NAXD: variants seen among roughly 807,000 people sequenced by gnomAD.
NAXD encodes the protein ATP-dependent (S)-NAD(P)H-hydrate dehydratase.
A neutral mutation model predicts 35.8 loss-of-function variants in NAXD; 22 were observed. That is an observed-to-expected ratio of 0.62 (90% CI 0.44 to 0.88). The LOEUF is 0.88. Ranked by LOEUF, NAXD falls within the 40% of genes least tolerant of loss-of-function variation. The pLI, the probability that NAXD is intolerant of heterozygous loss-of-function variation, is 0.00. For missense variants in NAXD, 428 were observed against 437.7 expected (o/e 0.98, Z 0.20); for synonymous variants, 189 against 177.6 (o/e 1.06, Z -0.51).
chr13:110,636,537 C>CTCT (rs1886934346), intron 8 of NAXD, among the ~76,000 whole-genome samples: 1 of 152,258 alleles, frequency 6.6e-6, no homozygotes, highest in Non-Finnish European at 1.5e-5. Context: ...CAGAGGGACT[C>CTCT]TGACACCTTT....
In NAXD at chr13:110,638,540, C is replaced by T. The variant is rs1187607384; in HGVS notation, c.*12C>T. ...TCTTTGAAACCTGAGCCCGCGCAGACCAGAAGTAAACAGGCACCTTGGACG... is the reference window on the plus strand; with the variant it reads ...TCTTTGAAACCTGAGCCCGCGCAGATCAGAAGTAAACAGGCACCTTGGACG... On this transcript the variant is annotated 3_prime_UTR_variant, in exon 10 of 10. Coordinates refer to ENST00000680254, the MANE Select transcript of NAXD (RefSeq NM_001242882.2). The surrounding 1 kb of genome is among the most constrained non-coding windows in gnomAD (Gnocchi z 5.4). 6.2e-7 allele frequency: 1 copy of T among 1,611,222 alleles called. No homozygotes were observed. The highest frequency in any genetic ancestry group is 1.3e-5 in the African/African-American group (1 of 75,022).
In NAXD at chr13:110,625,298, C is replaced by T; in HGVS notation, c.332+20C>T. ...AGTTCTGTGAGTCGCTCTGCGCCGG[C>T]TTCTCGTAGGTTCTCTTTCCCTCCT... On this transcript the variant is annotated intron_variant, in intron 4 of 9. Coordinates refer to ENST00000680254, the MANE Select transcript of NAXD (RefSeq NM_001242882.2). The T allele has an allele frequency of 6.4e-7, 1 of 1,560,150 alleles. No individual in the cohort carries two copies.
intron 1 of NAXD, chr13:110,616,029 C>T (rs999788219): frequency 1.3e-5 from 5 of 380,042 alleles, no homozygotes; most frequent in African/African-American, 8.4e-5. Flanking sequence ...CGCGCGGTGG[C>T]CGGGGAACGG....
Position 110,634,792 on chromosome 13 carries a change from C to T in NAXD, c.597+16C>T, listed in dbSNP as rs1201309037. The stretch of plus-strand genomic sequence containing the variant: ...TGACGCTGTGGTGAGTCAGTGGACC[C>T]CCTGGAGGGTAGATGCAAGCCCTGT... On this transcript the variant is annotated intron_variant, in intron 7 of 9. Coordinates refer to ENST00000680254, the MANE Select transcript of NAXD (RefSeq NM_001242882.2). 2 of 1,591,158 alleles carry T rather than the reference C, an allele frequency of 1.3e-6. No individual in the cohort carries two copies. The highest frequency in any genetic ancestry group is 1.1e-5 in the South Asian group (1 of 90,382).
rs770455743 is a variant in NAXD, at chr13:110,622,202, TTCTTG to T, written c.47-9_47-5del. ...GTTTACCTTTCTGAATTATTCATTT[TTCTTG>T]TCTTTCAGTTTTAGAAAGAGCGTTT... On this transcript the variant is annotated splice_polypyrimidine_tract_variant and intron_variant, in intron 1 of 9. Coordinates refer to ENST00000680254, the MANE Select transcript of NAXD (RefSeq NM_001242882.2). 1.9e-6 allele frequency: 3 copies of T among 1,604,562 alleles called. No individual in the cohort carries two copies. The highest frequency in any genetic ancestry group is 1.7e-6 in the Non-Finnish European group (2 of 1,174,492).
At chr13:110,637,965 C>T (rs979590489) in intron 9 of NAXD, among the ~76,000 whole-genome samples, 18 of 151,906 alleles carry the variant, frequency 1.2e-4, no homozygotes, top group African/African-American at 4.1e-4. Context: ...TGTGTTCACT[C>T]GAGTTGCCTC....
chr13:110,633,322 G>A (rs951476376), intron 5 of NAXD, among the ~76,000 whole-genome samples: 6 of 152,320 alleles, frequency 3.9e-5, no homozygotes, highest in Non-Finnish European at 8.8e-5. Flanking sequence ...CGGCTGCTCC[G>A]AGTGCGGGGC....
chr13:110,631,443 A>G (rs753045911), intron 5 of NAXD, among the ~76,000 whole-genome samples: 7 of 152,104 alleles, frequency 4.6e-5, no homozygotes, highest in Non-Finnish European at 1.0e-4. Context: ...ATGCCCCCAG[A>G]TTTCTCCCTA....
intron 6 of NAXD, 24 bp downstream of exon 6, chr13:110,634,619 G>T (rs1886847485): frequency 6.2e-7 from 1 of 1,614,140 alleles, no homozygotes. Context: ...TCTCCTCCTG[G>T]CTCGGACTCC....
intron 8 of NAXD, among the ~76,000 whole-genome samples, chr13:110,636,574 A>G (rs896088876): frequency 2.0e-5 from 3 of 152,228 alleles, no homozygotes; most frequent in Non-Finnish European, 4.4e-5. Context: ...AATCACTGGA[A>G]GGCTCTCTTG....
Position 110,615,807 on chromosome 13 carries a change from C to G in NAXD, c.46+160C>G, listed in dbSNP as rs1031202259. 7 of 1,295,484 alleles carry G rather than the reference C, an allele frequency of 5.4e-6. No individual in the cohort carries two copies. In the East Asian group the frequency reaches 1.6e-4, roughly 29 times the overall value. The allele number at this position is 1,295,484 out of a possible 1,614,324, so 80.2% of individuals were successfully genotyped here. On this transcript the variant is annotated intron_variant, in intron 1 of 9. Coordinates refer to ENST00000680254, the MANE Select transcript of NAXD (RefSeq NM_001242882.2). ...ACCGCTGACCGCCTCTGCTGGCTCG[C>G]GGGGGGGAAGCGCCGCCGAGGGGCA...
At chr13:110,616,637 G>A (rs1176232477) in intron 1 of NAXD, among the ~76,000 whole-genome samples, 1 of 152,180 alleles carries the variant, frequency 6.6e-6, no homozygotes, top group Non-Finnish European at 1.5e-5. Flanking sequence ...GGGTTTTTTT[G>A]TCTTTCTGTT....
intron 5 of NAXD, among the ~76,000 whole-genome samples, chr13:110,630,083 A>G (rs146750557): frequency 6.6e-6 from 1 of 152,108 alleles, no homozygotes; most frequent in African/African-American, 2.4e-5. Flanking sequence ...AGGCTGGAGT[A>G]TAATGGCGTG....
chr13:110,621,378 A>G (rs1272370919), intron 1 of NAXD, among the ~76,000 whole-genome samples: 1 of 152,278 alleles, frequency 6.6e-6, no homozygotes. Context: ...TTTCAGATAC[A>G]TTTCAAAAAT....
Position 110,639,386 on chromosome 13 carries a change from A to T in NAXD, c.*858A>T, listed in dbSNP as rs556007016. On this transcript the variant is annotated 3_prime_UTR_variant, in exon 10 of 10. Coordinates refer to ENST00000680254, the MANE Select transcript of NAXD (RefSeq NM_001242882.2). ...GAGAAGGCTCTGGAGGACTTGAGGC[A>T]TGCTGGGCCTGGTGCAGTGATGGCG... The T allele has an allele frequency of 1.7e-4, 26 of 153,240 alleles. No individual in the cohort carries two copies. The highest frequency in any genetic ancestry group is 6.3e-4 in the African/African-American group (26 of 41,572). 9.5% of individuals were successfully genotyped at this position (153,240 alleles called of 1,614,324 possible).
chr13:110,635,561 C>G lies in NAXD; in HGVS notation c.691C>G (p.Arg231Gly), dbSNP rs376240618. 1.1e-5 allele frequency: 18 copies of G among 1,614,014 alleles called. 1 individual carries two copies. The South Asian group carries it at 1.5e-4, about 14-fold the overall frequency. ...CGTGACGGTGGTCCAGAAAGGAGAGCGCGACATCCTCTCCAACGGCCAGCA... is the reference window on the plus strand; with the variant it reads ...CGTGACGGTGGTCCAGAAAGGAGAGGGCGACATCCTCTCCAACGGCCAGCA... ...GNVTVVQKGE[R>G]DILSNGQQVL... Residue 231 changes from arginine (R) to glycine (G), a missense_variant, in exon 8 of 10, where the codon CGC becomes GGC. Transcript: ENST00000680254.
intron 5 of NAXD, among the ~76,000 whole-genome samples, chr13:110,634,121 A>T (rs1170880483): frequency 6.6e-6 from 1 of 151,942 alleles, no homozygotes; most frequent in Non-Finnish European, 1.5e-5. Context: ...TCTCTATTTT[A>T]TTCATTTACT....
In NAXD at chr13:110,637,264, T is replaced by G. The variant is rs978861471; in HGVS notation, c.839+15T>G. 3 of 1,613,560 alleles carry G rather than the reference T, an allele frequency of 1.9e-6. No individual in the cohort carries two copies. In the African/African-American group the frequency reaches 4.0e-5, roughly 22 times the overall value. On this transcript the variant is annotated intron_variant, in intron 9 of 9. Coordinates refer to ENST00000680254, the MANE Select transcript of NAXD (RefSeq NM_001242882.2). ...AAAACAAATGGGTAAGGCCACGTCT[T>G]CATTTATTCTACTTTGAAACCGTCT...
At chr13:110,616,844 C>T (rs1226814979) in intron 1 of NAXD, among the ~76,000 whole-genome samples, 2 of 152,152 alleles carry the variant, frequency 1.3e-5, no homozygotes, top group Non-Finnish European at 2.9e-5. Context: ...TTGCTGTAGT[C>T]ATTAGATAGA....
Sources: gnomAD v4.1 joint callset for allele counts (sites outside exome capture counted in the v4.1 genomes callset) on GRCh38, gnomAD v4.1.1 for gene constraint, Gnocchi (gnomAD v3.1) non-coding constraint, MANE v1.5 for transcripts, NCBI Gene and HGNC (gene_info 2026-07-23, HGNC 2026-07-21) for gene names.